MCF2: variants seen among roughly 807,000 people sequenced by gnomAD.
The protein encoded by MCF2 is proto-oncogene DBL.
MCF2 carries 44 observed loss-of-function variants against 82.5 expected under a neutral mutation model. That is an observed-to-expected ratio of 0.53 (90% confidence interval 0.42 to 0.69). The LOEUF (loss-of-function observed/expected upper bound fraction) is 0.69. MCF2 is among the 30% of genes least tolerant of loss of function. The probability of loss-of-function intolerance (pLI) is 0.00; values close to 1 mark genes in which losing one functional copy is unlikely to be tolerated. For missense variants in MCF2, 623 were observed against 663.1 expected (o/e 0.94, Z 0.66); for synonymous variants, 217 against 224.9 (o/e 0.96, Z 0.32).
intron 7 of MCF2, among the ~76,000 whole-genome samples, chrX:139,618,735 GTGGCCTTGCTCTCACATAAAAAGCA>G (rs977811936): frequency 3.6e-5 from 4 of 111,219 alleles, no homozygotes; most frequent in Admixed American, 2.9e-4. Flanking sequence ...CTTAAAAAGC[GTGGCCTTGCTCTCACATAAAAAGCA>G]TGGCCTTGCT....
intron 1 of MCF2, among the ~76,000 whole-genome samples, chrX:139,661,754 A>C: frequency 8.9e-6 from 1 of 112,098 alleles, no homozygotes; most frequent in Non-Finnish European, 1.9e-5. Context: ...TAAGTACCTT[A>C]GAGCCAAGCA....
At chrX:139,677,457 A>AC (rs1477741587) in intron 1 of MCF2, among the ~76,000 whole-genome samples, 22 of 111,952 alleles carry the variant, frequency 2.0e-4, no homozygotes, top group Non-Finnish European at 3.8e-5. Context: ...CTGCCTTATG[A>AC]CCTTCAGTTG....
intron 10 of MCF2, among the ~76,000 whole-genome samples, chrX:139,610,965 T>C (rs760691653): frequency 8.9e-6 from 1 of 112,256 alleles, no homozygotes; most frequent in Non-Finnish European, 1.9e-5. Context: ...TTCCAAAGCA[T>C]GATAAAATGT....
intron 10 of MCF2, among the ~76,000 whole-genome samples, chrX:139,614,507 ATGTGTG>A (rs10578610): frequency 5.0e-4 from 52 of 103,035 alleles, no homozygotes; most frequent in Middle Eastern, 4.8e-3. Flanking sequence ...AGCAGTAAAT[ATGTGTG>A]TGTGTGTGTG....
intron 1 of MCF2, among the ~76,000 whole-genome samples, chrX:139,672,837 G>T (rs748321102): frequency 3.6e-5 from 4 of 112,127 alleles, no homozygotes; most frequent in African/African-American, 9.7e-5. Context: ...CATAAAATGA[G>T]TTAGGGAGGA....
At chrX:139,661,428 T>C (rs1475404161) in intron 1 of MCF2, among the ~76,000 whole-genome samples, 1 of 111,855 alleles carries the variant, frequency 8.9e-6, no homozygotes, top group Non-Finnish European at 1.9e-5. Flanking sequence ...TAAGAACTGG[T>C]GGCTTCTACA....
rs113670678 is a variant in MCF2 at position 139,613,298 on chromosome X, A to C, written c.1363+1583T>G. On this transcript the variant is annotated intron_variant, in intron 10 of 24. Coordinates refer to ENST00000370576, the Ensembl canonical transcript of MCF2. ...GAAATTGTAACGCCATTAAATAAGA[A>C]TATCAGAAAAAAATGAAACAATACA... 1.7e-3 allele frequency: 1,761 copies of C among 1,044,591 alleles called. 24 individuals are homozygous for C. In the African/African-American group the frequency reaches 0.026, roughly 15 times the overall value. The allele number at this position is 1,044,591 out of a possible 1,213,427, so 86.1% of individuals were successfully genotyped here.
intron 1 of MCF2, among the ~76,000 whole-genome samples, chrX:139,641,652 T>C (rs779748073): frequency 9.0e-6 from 1 of 111,541 alleles, no homozygotes; most frequent in Non-Finnish European, 1.9e-5. Flanking sequence ...TAACATTATA[T>C]TAATCTTTGA....
chrX:139,672,743 C>A (rs758799627), intron 1 of MCF2, among the ~76,000 whole-genome samples: 28 of 112,023 alleles, frequency 2.5e-4, no homozygotes, highest in African/African-American at 8.8e-4. Flanking sequence ...ATTTTCACAT[C>A]GATATTCATC....
upstream of MCF2, chrX:139,646,817 CT>C: frequency 8.6e-7 from 1 of 1,159,621 alleles, no homozygotes; most frequent in South Asian, 1.9e-5. Flanking sequence ...TAAGTAAGTA[CT>C]TTTGCTATTA....
At chrX:139,604,578 T>A (rs1930831153) in intron 15 of MCF2, 103 bp downstream of exon 19, 1 of 498,400 alleles carries the variant, frequency 2.0e-6, no homozygotes, top group Admixed American at 4.5e-5. Flanking sequence ...TCCAAAAACA[T>A]AAAGACATAA....
At chrX:139,684,495 G>T (rs752602651) in intron 1 of MCF2, among the ~76,000 whole-genome samples, 25 of 111,789 alleles carry the variant, frequency 2.2e-4, no homozygotes, top group Middle Eastern at 4.7e-3. Context: ...ACAGGGAAAT[G>T]AAAACATATG....
At chrX:139,633,134 G>T (rs762458042) in intron 1 of MCF2, among the ~76,000 whole-genome samples, 1 of 111,463 alleles carries the variant, frequency 9.0e-6, no homozygotes, top group South Asian at 3.8e-4. Flanking sequence ...GACATAGGAA[G>T]GTCAAAAAGA....
chrX:139,673,262 C>A, intron 1 of MCF2, among the ~76,000 whole-genome samples: 1 of 111,332 alleles, frequency 9.0e-6, no homozygotes, highest in Admixed American at 9.5e-5. Flanking sequence ...TTTCAAAAAA[C>A]CAACTCCTGG....
intron 1 of MCF2, among the ~76,000 whole-genome samples, chrX:139,655,395 AT>A (rs1934162186): frequency 9.0e-6 from 1 of 111,609 alleles, no homozygotes. Context: ...TGTAAATGTG[AT>A]CAGATTGCTT....
chrX:139,695,221 G>A (rs1192987140), intron 1 of MCF2, among the ~76,000 whole-genome samples: 1 of 109,759 alleles, frequency 9.1e-6, no homozygotes. Flanking sequence ...GTAGAGATGG[G>A]GTTTTGCCAT....
intron 16 of MCF2, among the ~76,000 whole-genome samples, chrX:139,599,249 TG>T (rs1930345608): frequency 9.4e-6 from 1 of 106,941 alleles, no homozygotes; most frequent in East Asian, 3.0e-4. Context: ...TTGTGGTTTT[TG>T]CCATTACTTT....
intron 1 of MCF2, among the ~76,000 whole-genome samples, chrX:139,681,142 A>G (rs1046079278): frequency 1.8e-5 from 2 of 112,582 alleles, no homozygotes; most frequent in Admixed American, 9.4e-5. Flanking sequence ...AATAGAGAAA[A>G]TGTTATTTAA....
chrX:139,654,198 C>T (rs959667171), intron 1 of MCF2, among the ~76,000 whole-genome samples: 2 of 111,051 alleles, frequency 1.8e-5, no homozygotes, highest in African/African-American at 6.5e-5. Flanking sequence ...TTCTATTTTT[C>T]GTTTTTTGCA....
Sources: allele counts gnomAD v4.1 joint callset (sites outside exome capture counted in the v4.1 genomes callset), GRCh38; gene constraint gnomAD v4.1.1; transcripts MANE v1.5; gene names NCBI Gene and HGNC (gene_info 2026-07-23, HGNC 2026-07-21).